The following SPATA16 variants were observed in gnomAD, a reference collection of about 807,000 sequenced individuals.
SPATA16 encodes spermatogenesis-associated protein 16.
Under a neutral mutation model 63.3 loss-of-function variants are expected in SPATA16, and 36 were observed. The observed-to-expected ratio is 0.57, with a 90% confidence interval of 0.44 to 0.75. The LOEUF (loss-of-function observed/expected upper bound fraction) is 0.75, where lower values mean the gene tolerates loss of function less well. Among genes scored for constraint, SPATA16 ranks in the 30% least tolerant of loss-of-function variants. The pLI is 0.00. For synonymous variants in SPATA16, 203 were observed against 216.7 expected (o/e 0.94, Z 0.56); for missense variants, 646 against 679.3 (o/e 0.95, Z 0.54).
At chr3:173,025,776 A>T (rs1349709286) in intron 3 of SPATA16, among the ~76,000 whole-genome samples, 1 of 152,010 alleles carries the variant, frequency 6.6e-6, no homozygotes, top group Admixed American at 6.6e-5. Context: ...ATATTATTGT[A>T]TGTATCAATA....
At chr3:172,923,062 A>T (rs902607799) in intron 8 of SPATA16, among the ~76,000 whole-genome samples, 4 of 152,230 alleles carry the variant, frequency 2.6e-5, no homozygotes, top group African/African-American at 9.6e-5. Flanking sequence ...TGCACGGATG[A>T]GATGAAATAA....
chr3:172,968,013 TCA>T (rs1733958214), intron 5 of SPATA16, among the ~76,000 whole-genome samples: 1 of 152,198 alleles, frequency 6.6e-6, no homozygotes, highest in Non-Finnish European at 1.5e-5. Context: ...AAACTGTCTT[TCA>T]CAAAACCGGT....
chr3:172,975,933 A>C (rs1010585432), intron 5 of SPATA16, among the ~76,000 whole-genome samples: 1 of 152,052 alleles, frequency 6.6e-6, no homozygotes. Context: ...GGGAAAAAAA[A>C]CAGGAAAAAA....
At chr3:172,896,714 A>G (rs1362107788) in intron 10 of SPATA16, among the ~76,000 whole-genome samples, 1 of 151,924 alleles carries the variant, frequency 6.6e-6, no homozygotes, top group African/African-American at 2.4e-5. Flanking sequence ...GATGTTGAAC[A>G]TGTTTTAACA....
At chr3:172,941,507 A>G (rs1029226403) in intron 6 of SPATA16, among the ~76,000 whole-genome samples, 10 of 152,224 alleles carry the variant, frequency 6.6e-5, no homozygotes, top group African/African-American at 2.4e-4. Flanking sequence ...AACAGCAATG[A>G]CACAAGTCAG....
chr3:173,128,521 G>A (rs1035906527), intron 1 of SPATA16, among the ~76,000 whole-genome samples: 2 of 152,076 alleles, frequency 1.3e-5, no homozygotes, highest in African/African-American at 4.8e-5. Flanking sequence ...GCATGTCTGG[G>A]GTAATGCATA....
At chr3:173,088,994 C>T (rs945037475) in intron 2 of SPATA16, among the ~76,000 whole-genome samples, 5 of 152,116 alleles carry the variant, frequency 3.3e-5, no homozygotes, top group African/African-American at 7.2e-5. Flanking sequence ...CAAGGATGAA[C>T]GGACCACCCC....
At chr3:172,941,893 T>G (rs1733155636) in intron 6 of SPATA16, among the ~76,000 whole-genome samples, 2 of 152,138 alleles carry the variant, frequency 1.3e-5, no homozygotes, top group South Asian at 4.1e-4. Context: ...CGTTAAAGTA[T>G]TCTATGACCT....
intron 5 of SPATA16, among the ~76,000 whole-genome samples, chr3:172,970,501 A>G (rs1351999366): frequency 4.6e-5 from 7 of 152,208 alleles, no homozygotes; most frequent in Non-Finnish European, 8.8e-5. Context: ...TGGACACTCA[A>G]TGCCAAATGA....
chr3:172,931,739 G>GA (rs1176306427), intron 6 of SPATA16, among the ~76,000 whole-genome samples: 13 of 151,908 alleles, frequency 8.6e-5, no homozygotes, highest in Admixed American at 1.3e-4. Context: ...ACTAAACTTA[G>GA]AAAAAAAATC....
intron 2 of SPATA16, among the ~76,000 whole-genome samples, chr3:173,093,849 A>G (rs1398548544): frequency 6.6e-6 from 1 of 150,742 alleles, no homozygotes. Context: ...ATGGGTCAGT[A>G]TTCCTGTAAA....
intron 10 of SPATA16, among the ~76,000 whole-genome samples, chr3:172,893,385 G>A (rs79997189): frequency 0.093 from 14,130 of 152,180 alleles, 727 homozygotes; most frequent in African/African-American, 0.13. Context: ...GCCAAGGTAC[G>A]ATAAAGAATG....
intron 6 of SPATA16, among the ~76,000 whole-genome samples, chr3:172,926,675 T>C (rs1162427520): frequency 6.6e-6 from 1 of 152,176 alleles, no homozygotes; most frequent in Non-Finnish European, 1.5e-5. Context: ...ACCTTACAGA[T>C]GATAAGACTG....
At chr3:173,019,403 G>T in intron 4 of SPATA16, 83 bp downstream of exon 4, 1 of 1,141,820 alleles carries the variant, frequency 8.8e-7, no homozygotes, top group Non-Finnish European at 1.3e-6. Context: ...GAAATGGAGA[G>T]TTCTGTTATG....
At chr3:173,040,848 C>G (rs577819281) in intron 3 of SPATA16, among the ~76,000 whole-genome samples, 1 of 152,038 alleles carries the variant, frequency 6.6e-6, no homozygotes, top group African/African-American at 2.4e-5. Flanking sequence ...ACCTGCCACA[C>G]GGTGGGTGTT....
chr3:172,914,588 A>G (rs901195292), intron 9 of SPATA16, among the ~76,000 whole-genome samples: 2 of 152,280 alleles, frequency 1.3e-5, no homozygotes, highest in African/African-American at 4.8e-5. Flanking sequence ...AGCAGCATAC[A>G]GGGTATTACT....
intron 2 of SPATA16, among the ~76,000 whole-genome samples, chr3:173,103,772 T>C (rs143272433): frequency 6.6e-5 from 10 of 152,384 alleles, no homozygotes; most frequent in Admixed American, 3.3e-4. Flanking sequence ...AGCTACATTT[T>C]AGTCATGCAA....
chr3:172,921,703 A>T (rs1732618948), intron 8 of SPATA16, among the ~76,000 whole-genome samples: 1 of 152,234 alleles, frequency 6.6e-6, no homozygotes, highest in Non-Finnish European at 1.5e-5. Flanking sequence ...CAAAACCAAT[A>T]CAAATAATTA....
chr3:173,125,800 C>A (rs192416345), intron 1 of SPATA16, among the ~76,000 whole-genome samples: 16 of 152,282 alleles, frequency 1.1e-4, no homozygotes, highest in African/African-American at 3.9e-4. Context: ...AGAGACTGCA[C>A]TTTGTATACT....
Sources: gnomAD v4.1 joint callset for allele counts (sites outside exome capture counted in the v4.1 genomes callset) on GRCh38, gnomAD v4.1.1 for gene constraint, MANE v1.5 for transcripts, NCBI Gene and HGNC (gene_info 2026-07-23, HGNC 2026-07-21) for gene names.